Variants in TENM2 observed in about 807,000 individuals in gnomAD.
The protein encoded by TENM2 is teneurin transmembrane protein 2, also known as teneurin-2.
Under a neutral mutation model 245.2 loss-of-function variants are expected in TENM2, and 52 were observed. That is an observed-to-expected ratio of 0.21 (90% CI 0.17 to 0.27). The LOEUF (loss-of-function observed/expected upper bound fraction) is 0.27. TENM2 is among the 10% of genes least tolerant of loss of function. The pLI is 1.00. For missense variants in TENM2, 3,046 were observed against 3,666.8 expected (o/e 0.83, Z 4.37); for synonymous variants, 1,363 against 1,438.9 (o/e 0.95, Z 1.19).
At chr5:168,245,572 T>TAA (rs35630506) in intron 26 of TENM2, among the ~76,000 whole-genome samples, 73 of 120,082 alleles carry the variant, frequency 6.1e-4, no homozygotes, top group African/African-American at 1.5e-3. Flanking sequence ...GGAGTGGCGG[T>TAA]AAAAAAAAAA....
At chr5:167,597,472 A>G (rs1776304856) in intron 2 of TENM2, among the ~76,000 whole-genome samples, 1 of 152,138 alleles carries the variant, frequency 6.6e-6, no homozygotes, top group Admixed American at 6.5e-5. Context: ...GTGAGCCACC[A>G]TGCCCCATCC....
Position 167,299,047 on chromosome 5 carries a change from C to T in TENM2, c.226+13984C>T, listed in dbSNP as rs562016443. 2.0e-4 allele frequency among the ~76,000 whole-genome samples: 31 copies of T among 152,240 alleles called. No individual in the cohort carries two copies. The South Asian group carries it at 5.2e-3, about 25-fold the overall frequency. On this transcript the variant is annotated intron_variant, in intron 1 of 28. Coordinates refer to ENST00000518659, the Ensembl canonical transcript of TENM2. ...TACCCTGTAGCATTCCGAGGACAGG[C>T]CTGACTTCTGAGAAGGGAAAGTGGT...
chr5:167,696,705 A>G (rs545852142), intron 2 of TENM2, among the ~76,000 whole-genome samples: 1 of 152,276 alleles, frequency 6.6e-6, no homozygotes, highest in South Asian at 2.1e-4. Context: ...TTTGATCTCA[A>G]ATGTCTCCGT....
intron 3 of TENM2, among the ~76,000 whole-genome samples, chr5:167,926,737 C>A (rs547322969): frequency 6.7e-6 from 1 of 149,746 alleles, no homozygotes; most frequent in Non-Finnish European, 1.5e-5. Context: ...CACACACACA[C>A]ACACACACAC....
chr5:167,940,432 T>C (rs554295929), intron 3 of TENM2, among the ~76,000 whole-genome samples: 2 of 152,300 alleles, frequency 1.3e-5, no homozygotes, highest in South Asian at 4.2e-4. Context: ...GGTGCCAGTA[T>C]GTGCTTTAGA....
the TENM2 span, among the ~76,000 whole-genome samples, chr5:167,260,861 G>A: frequency 1.9e-4 from 29 of 152,238 alleles, no homozygotes; most frequent in African/African-American, 7.0e-4. Context: ...GGCCTCCAAC[G>A]ATAAAGACAA....
chr5:167,207,246 T>C, the TENM2 span, among the ~76,000 whole-genome samples: 1 of 152,164 alleles, frequency 6.6e-6, no homozygotes, highest in South Asian at 2.1e-4. Flanking sequence ...CACGTGATGG[T>C]GCGAGGTCTA....
intron 2 of TENM2, among the ~76,000 whole-genome samples, chr5:167,394,838 C>T (rs1561920888): frequency 6.6e-6 from 1 of 152,036 alleles, no homozygotes; most frequent in South Asian, 2.1e-4. Context: ...CTTAAGTGAG[C>T]CACCAGCTTC....
rs991723610 is a variant in TENM2, at chr5:167,378,940, A to G, written c.502+3467A>G. 5.9e-5 allele frequency among the ~76,000 whole-genome samples: 9 copies of G among 152,144 alleles called. No individual in the cohort carries two copies. In the East Asian group the frequency reaches 9.7e-4, roughly 16 times the overall value. ...TGGAAATCCAGAAAGGGAAAAAACA[A>G]AAAAACAAAAAACAAAGAAAATAAA... is the stretch of plus-strand genomic sequence containing the variant. On this transcript the variant is annotated intron_variant, in intron 2 of 28. Coordinates refer to ENST00000518659, the Ensembl canonical transcript of TENM2.
At chr5:167,769,056 C>T (rs968611887) in intron 2 of TENM2, among the ~76,000 whole-genome samples, 1 of 152,182 alleles carries the variant, frequency 6.6e-6, no homozygotes, top group Non-Finnish European at 1.5e-5. Flanking sequence ...ACTATGGAAT[C>T]TCCTTTTTAA....
chr5:167,191,631 A>C, the TENM2 span, among the ~76,000 whole-genome samples: 4 of 152,056 alleles, frequency 2.6e-5, no homozygotes, highest in Non-Finnish European at 5.9e-5. Flanking sequence ...AAAGGAGTGT[A>C]GGTAAGGTCT....
intron 2 of TENM2, among the ~76,000 whole-genome samples, chr5:167,824,120 C>T (rs942808274): frequency 3.3e-5 from 5 of 152,208 alleles, no homozygotes; most frequent in Non-Finnish European, 5.9e-5. Flanking sequence ...CTGCCTTTGT[C>T]GTCCTTCATG....
rs1267343008 is a variant in TENM2, at chr5:167,689,752, G to GTTCTTTTTT, written c.503-186223_503-186215dup. On this transcript the variant is annotated intron_variant, in intron 2 of 28. Coordinates refer to ENST00000518659, the Ensembl canonical transcript of TENM2. ...GAACACTGTTCTTACCTCTTCATCT[G>GTTCTTTTTT]TTCTTTTTTTTCTTTTTTTCTTTTT... Among the ~76,000 whole-genome samples the GTTCTTTTTT allele has an allele frequency of 2.6e-5, 4 of 152,034 alleles. No homozygotes were observed. In the East Asian group the frequency reaches 7.7e-4, roughly 29 times the overall value.
intron 2 of TENM2, among the ~76,000 whole-genome samples, chr5:167,726,317 T>C (rs2337017): frequency 0.18 from 27,001 of 152,128 alleles, 2,798 homozygotes; most frequent in East Asian, 0.42. Flanking sequence ...ACTCAAGCCC[T>C]TAACTCTCTA....
At chr5:168,260,717 T>C (rs1768108463) in intron 28 of TENM2, among the ~76,000 whole-genome samples, 1 of 152,172 alleles carries the variant, frequency 6.6e-6, no homozygotes, top group Non-Finnish European at 1.5e-5. Flanking sequence ...CAACCTACCA[T>C]CTGCACTGCC....
At chr5:167,597,770 ATT>A (rs1776323830) in intron 2 of TENM2, among the ~76,000 whole-genome samples, 1 of 152,040 alleles carries the variant, frequency 6.6e-6, no homozygotes, top group South Asian at 2.1e-4. Context: ...ATATTTCCAT[ATT>A]TTCATAGTAT....
In TENM2 at chr5:168,247,579, G is replaced by T; in HGVS notation, c.6640G>T (p.Val2214Leu). The change falls in exon 27 of 29, where the codon GTG (valine) becomes TTG (leucine). Residue 2214 changes from valine to leucine, a missense_variant. Val to Leu is a conservative substitution (Grantham distance 32). Around this residue, in one of 2 missense-constraint regions of TENM2, gnomAD observed 2,704 missense variants for 3,331.9 expected, o/e 0.81. Transcript: ENST00000518659. This position sits in a 1 kb window ranked among gnomAD's most constrained non-coding sequence, Gnocchi z 7.8. ...CGATGGGGACGGGCAGCTCCAGAGCGTGGCCGTCAATGACCGCCCGACCTG... is the reference window on the plus strand; with the variant it reads ...CGATGGGGACGGGCAGCTCCAGAGCTTGGCCGTCAATGACCGCCCGACCTG... 6.2e-7 allele frequency: 1 copy of T among 1,612,964 alleles called. No individual in the cohort carries two copies. The highest frequency in any genetic ancestry group is 8.5e-7 in the Non-Finnish European group (1 of 1,179,036).
chr5:167,819,503 G>T (rs1485184635), intron 2 of TENM2, among the ~76,000 whole-genome samples: 4 of 152,162 alleles, frequency 2.6e-5, no homozygotes, highest in African/African-American at 4.8e-5. Flanking sequence ...TCCTGCCAAA[G>T]GTTGTTTCAC....
At chr5:167,364,321 A>T (rs981584501) in intron 1 of TENM2, among the ~76,000 whole-genome samples, 2 of 152,128 alleles carry the variant, frequency 1.3e-5, no homozygotes, top group African/African-American at 4.8e-5. Flanking sequence ...GATAGACAAA[A>T]AGCCTAGACA....
Sources: gnomAD v4.1 joint callset for allele counts (sites outside exome capture counted in the v4.1 genomes callset) on GRCh38, gnomAD v4.1.1 for gene constraint, gnomAD v4.1.1 regional missense constraint, Gnocchi (gnomAD v3.1) non-coding constraint, MANE v1.5 for transcripts, NCBI Gene and HGNC (gene_info 2026-07-23, HGNC 2026-07-21) for gene names.